NAV3: variants seen among roughly 807,000 people sequenced by gnomAD.
NAV3 encodes the protein neuron navigator 3, also known as pore membrane and/or filament interacting like protein 1.
A neutral mutation model predicts 244.7 loss-of-function variants in NAV3; 87 were observed. The ratio of observed to expected loss-of-function variants is 0.36; its 90% CI spans 0.30 to 0.42. The LOEUF (loss-of-function observed/expected upper bound fraction) is 0.42. Ranked by LOEUF, NAV3 falls within the 20% of genes least tolerant of loss-of-function variation. The probability of loss-of-function intolerance (pLI) is 1.00; values close to 1 mark genes in which losing one functional copy is unlikely to be tolerated. For missense variants in NAV3, 2,663 were observed against 2,893.3 expected, an observed-to-expected ratio of 0.92 and a Z score of 1.83; for synonymous variants, 1,126 against 1,042.2, an observed-to-expected ratio of 1.08 and a Z score of -1.55.
intron 2 of NAV3, among the ~76,000 whole-genome samples, chr12:77,825,315 A>G (rs1397273050): frequency 1.3e-5 from 2 of 152,220 alleles, no homozygotes; most frequent in South Asian, 2.1e-4. Flanking sequence ...GTGGATAAAT[A>G]TAAAGATTAT....
chr12:77,677,527 A>G (rs916568571), intron 2 of NAV3, among the ~76,000 whole-genome samples: 6 of 152,232 alleles, frequency 3.9e-5, no homozygotes, highest in African/African-American at 1.4e-4. Flanking sequence ...TGTCCTCAAC[A>G]GAATAATTTG....
intron 2 of NAV3, among the ~76,000 whole-genome samples, chr12:77,799,212 G>A (rs566816439): frequency 6.6e-6 from 1 of 152,324 alleles, no homozygotes; most frequent in Admixed American, 6.5e-5. Flanking sequence ...AGAAGTCACT[G>A]TGAAAAGAGA....
At chr12:77,731,294 T>G (rs1877116810) in intron 2 of NAV3, among the ~76,000 whole-genome samples, 1 of 151,894 alleles carries the variant, frequency 6.6e-6, no homozygotes, top group African/African-American at 2.4e-5. Context: ...AAAGATAAGT[T>G]GCAATAATGG....
At chr12:77,628,908 A>C (rs1871760674) in intron 2 of NAV3, among the ~76,000 whole-genome samples, 1 of 151,998 alleles carries the variant, frequency 6.6e-6, no homozygotes, top group African/African-American at 2.4e-5. Flanking sequence ...TCTCCAAAAA[A>C]AAAAAAAAAG....
intron 1 of NAV3, among the ~76,000 whole-genome samples, chr12:77,848,858 TCTC>T (rs1168456213): frequency 3.3e-5 from 5 of 152,134 alleles, no homozygotes; most frequent in African/African-American, 1.2e-4. Flanking sequence ...AGCAGAGAAA[TCTC>T]CTAATGAGGA....
intron 2 of NAV3, among the ~76,000 whole-genome samples, chr12:77,782,247 C>T (rs959224571): frequency 6.6e-6 from 1 of 151,358 alleles, no homozygotes; most frequent in Non-Finnish European, 1.5e-5. Context: ...CCTCCCCTCT[C>T]CCCGCCTCCA....
intron 2 of NAV3, among the ~76,000 whole-genome samples, chr12:77,608,104 G>T (rs1317043058): frequency 6.6e-6 from 1 of 152,034 alleles, no homozygotes; most frequent in African/African-American, 2.4e-5. Context: ...CATTTGAAAG[G>T]TTTTCACTGC....
chr12:78,200,631 A>G lies in NAV3; in HGVS notation c.6834+40A>G, dbSNP rs529466432. Reference sequence around the variant, plus strand: ...TTTCATTGCTATTTTTTTTTAAAAAAAAAAAGCAAAAAAAATTACTTTAAA... The same window carrying G: ...TTTCATTGCTATTTTTTTTTAAAAAGAAAAAGCAAAAAAAATTACTTTAAA... On this transcript the variant is annotated intron_variant, in intron 38 of 39. Coordinates refer to ENST00000397909, the MANE Select transcript of NAV3 (RefSeq NM_001024383.2). 4 of 1,251,040 alleles carry G rather than the reference A, an allele frequency of 3.2e-6. No individual in the cohort carries two copies. In the Admixed American group the frequency reaches 7.2e-5, roughly 22 times the overall value. The allele number at this position is 1,251,040 out of a possible 1,614,324, so 77.5% of individuals were successfully genotyped here.
chr12:77,631,624 C>G (rs1016124183), intron 2 of NAV3, among the ~76,000 whole-genome samples: 8 of 152,150 alleles, frequency 5.3e-5, no homozygotes, highest in Non-Finnish European at 1.0e-4. Flanking sequence ...ACACCAGTTT[C>G]CCCTTCTGTG....
chr12:77,929,480 T>G lies in NAV3; in HGVS notation c.244-10839T>G, dbSNP rs560167016. Among the ~76,000 whole-genome samples the G allele has an allele frequency of 2.0e-5, 3 of 152,238 alleles. No individual in the cohort carries two copies. In the South Asian group the frequency reaches 6.2e-4, roughly 32 times the overall value. On this transcript the variant is annotated intron_variant, in intron 1 of 39. Coordinates refer to ENST00000397909, the MANE Select transcript of NAV3 (RefSeq NM_001024383.2). Reference sequence around the variant, plus strand: ...GCTAATCCAAACCAGAAATTTGAATTTATCCACCTTGAGTCAAATCTGTTT... The same window carrying G: ...GCTAATCCAAACCAGAAATTTGAATGTATCCACCTTGAGTCAAATCTGTTT...
intron 2 of NAV3, among the ~76,000 whole-genome samples, chr12:77,812,442 A>G (rs1242156770): frequency 6.6e-6 from 1 of 150,658 alleles, no homozygotes; most frequent in Non-Finnish European, 1.5e-5. Context: ...AGACAGTCTC[A>G]CTCTGTTGCC....
intron 2 of NAV3, among the ~76,000 whole-genome samples, chr12:77,691,411 A>T (rs986234420): frequency 7.1e-6 from 1 of 141,124 alleles, no homozygotes; most frequent in Non-Finnish European, 1.5e-5. Flanking sequence ...CTTAACCAGA[A>T]ATTATTATTT....
At chr12:77,599,026 C>T (rs1407946699) in intron 2 of NAV3, among the ~76,000 whole-genome samples, 2 of 151,806 alleles carry the variant, frequency 1.3e-5, no homozygotes, top group Admixed American at 1.3e-4. Context: ...TCCCCATATC[C>T]CACCTACCCT....
chr12:77,828,512 C>T (rs915339204), upstream of NAV3, among the ~76,000 whole-genome samples: 2 of 151,976 alleles, frequency 1.3e-5, no homozygotes, highest in African/African-American at 4.8e-5. Flanking sequence ...TGTAAAACCT[C>T]ATTTTGAACT....
intron 2 of NAV3, among the ~76,000 whole-genome samples, chr12:77,738,068 C>T (rs1877409105): frequency 6.6e-6 from 1 of 152,140 alleles, no homozygotes; most frequent in Non-Finnish European, 1.5e-5. Flanking sequence ...TTCTAGATGT[C>T]TACTTTAACT....
chr12:78,002,602 T>G (rs1369029615), intron 7 of NAV3, among the ~76,000 whole-genome samples: 2 of 152,194 alleles, frequency 1.3e-5, no homozygotes, highest in Non-Finnish European at 2.9e-5. Flanking sequence ...CTTTGTTTTT[T>G]TAATTACTCT....
At chr12:78,118,989 G>C (rs537676899) in intron 14 of NAV3, among the ~76,000 whole-genome samples, 2 of 152,114 alleles carry the variant, frequency 1.3e-5, no homozygotes, top group Non-Finnish European at 2.9e-5. Flanking sequence ...CAAAATATAA[G>C]ACATTAACAA....
chr12:78,026,559 T>TATGAATCA (rs1555262235), intron 9 of NAV3, among the ~76,000 whole-genome samples: 1 of 152,206 alleles, frequency 6.6e-6, no homozygotes, highest in Non-Finnish European at 1.5e-5. Context: ...AAATGGTGTA[T>TATGAATCA]ATGAATCAAC....
chr12:78,090,917 G>C (rs927495114), intron 12 of NAV3, among the ~76,000 whole-genome samples: 1 of 150,466 alleles, frequency 6.6e-6, no homozygotes, highest in African/African-American at 2.4e-5. Context: ...ATGGTGTTTT[G>C]CAAGGTGTCA....
Sources: gnomAD v4.1 joint callset for allele counts (sites outside exome capture counted in the v4.1 genomes callset) on GRCh38, gnomAD v4.1.1 for gene constraint, MANE v1.5 for transcripts, NCBI Gene and HGNC (gene_info 2026-07-23, HGNC 2026-07-21) for gene names.